Variants in PDE1A observed in about 807,000 individuals in gnomAD.
PDE1A encodes dual specificity calcium/calmodulin-dependent 3',5'-cyclic nucleotide phosphodiesterase 1A.
In PDE1A, 35 loss-of-function variants were observed where a neutral mutation model predicts 61.7. The ratio of observed to expected loss-of-function variants is 0.57; its 90% CI spans 0.43 to 0.75. PDE1A has a LOEUF of 0.75. Among genes scored for constraint, PDE1A ranks in the 30% least tolerant of loss-of-function variants. PDE1A has a pLI of 0.00. For missense variants in PDE1A, 597 were observed against 630.6 expected (o/e 0.95, Z 0.57); for synonymous variants, 232 against 213.2 (o/e 1.09, Z -0.77).
intron 1 of PDE1A, among the ~76,000 whole-genome samples, chr2:182,298,198 C>A (rs185001576): frequency 6.6e-6 from 1 of 152,136 alleles, no homozygotes; most frequent in Non-Finnish European, 1.5e-5. Context: ...CACATAGCAT[C>A]TGAGAGCTGT....
intron 1 of PDE1A, among the ~76,000 whole-genome samples, chr2:182,367,055 T>C (rs899035273): frequency 6.6e-6 from 1 of 152,082 alleles, no homozygotes; most frequent in Non-Finnish European, 1.5e-5. Flanking sequence ...ACTAATGTAG[T>C]GATCACCTAA....
intron 1 of PDE1A, among the ~76,000 whole-genome samples, chr2:182,419,009 T>G (rs1703098589): frequency 6.6e-6 from 1 of 152,002 alleles, no homozygotes; most frequent in Non-Finnish European, 1.5e-5. Context: ...CTTCAATGTT[T>G]AAAGAGCTAA....
chr2:182,572,785 T>G, the PDE1A span, among the ~76,000 whole-genome samples: 1 of 146,940 alleles, frequency 6.8e-6, no homozygotes, highest in Non-Finnish European at 1.5e-5. Flanking sequence ...AGGAGAATGG[T>G]GTGAACCCGG....
At chr2:182,529,055 C>T in the PDE1A span, among the ~76,000 whole-genome samples, 1 of 152,148 alleles carries the variant, frequency 6.6e-6, no homozygotes, top group Non-Finnish European at 1.5e-5. Flanking sequence ...TTGGATACTA[C>T]CTAGTGGAGC....
At chr2:182,482,038 T>C (rs1687733302) in intron 2 of PDE1A, among the ~76,000 whole-genome samples, 1 of 151,956 alleles carries the variant, frequency 6.6e-6, no homozygotes, top group Non-Finnish European at 1.5e-5. Flanking sequence ...GTCTTTTCCT[T>C]CCCTTCACTA....
chr2:182,178,332 C>T (rs1684454023), intron 13 of PDE1A, among the ~76,000 whole-genome samples: 2 of 151,814 alleles, frequency 1.3e-5, no homozygotes, highest in Non-Finnish European at 2.9e-5. Context: ...CTAAGAGAAG[C>T]AAAAAGGGGT....
chr2:182,365,851 T>C (rs990245184), intron 1 of PDE1A, among the ~76,000 whole-genome samples: 5 of 152,118 alleles, frequency 3.3e-5, no homozygotes, highest in Non-Finnish European at 5.9e-5. Flanking sequence ...CTACAGATGA[T>C]AAAAGTGACT....
At chr2:182,274,815 G>T (rs989753189) in intron 1 of PDE1A, among the ~76,000 whole-genome samples, 3 of 151,928 alleles carry the variant, frequency 2.0e-5, no homozygotes, top group African/African-American at 7.3e-5. Flanking sequence ...TAGAAATGTA[G>T]CTTTTGTAGC....
intron 1 of PDE1A, among the ~76,000 whole-genome samples, chr2:182,295,868 A>G (rs1694851107): frequency 1.3e-5 from 2 of 152,166 alleles, no homozygotes; most frequent in Admixed American, 1.3e-4. Context: ...AAAAGAAATT[A>G]GAATTTATTG....
intron 1 of PDE1A, among the ~76,000 whole-genome samples, chr2:182,364,490 A>AC (rs979072117): frequency 9.0e-5 from 13 of 144,000 alleles, no homozygotes; most frequent in African/African-American, 2.5e-4. Context: ...AAAAAAAAAA[A>AC]AAAAAAAAAC....
downstream of PDE1A, among the ~76,000 whole-genome samples, chr2:182,143,980 A>G (rs981513854): frequency 1.3e-5 from 2 of 152,180 alleles, no homozygotes; most frequent in East Asian, 3.8e-4. Flanking sequence ...CCTGTCAGGT[A>G]GTGTAAATGA....
intron 4 of PDE1A, among the ~76,000 whole-genome samples, chr2:182,232,035 A>G (rs2125648393): frequency 6.6e-6 from 1 of 152,322 alleles, no homozygotes; most frequent in Non-Finnish European, 1.5e-5. Context: ...TATTTGCTCT[A>G]TCTTTGGCTG....
At chr2:182,584,477 T>C in the PDE1A span, among the ~76,000 whole-genome samples, 1 of 152,320 alleles carries the variant, frequency 6.6e-6, no homozygotes, top group African/African-American at 2.4e-5. Flanking sequence ...AAGATTCAGA[T>C]TCCCTGTCTT....
the PDE1A span, among the ~76,000 whole-genome samples, chr2:182,703,528 T>C: frequency 3.3e-5 from 5 of 152,132 alleles, no homozygotes; most frequent in African/African-American, 4.8e-5. Context: ...AAATGGAGAA[T>C]GTTAAACATG....
the PDE1A span, among the ~76,000 whole-genome samples, chr2:182,644,639 G>A: frequency 6.6e-6 from 1 of 152,088 alleles, no homozygotes; most frequent in African/African-American, 2.4e-5. Flanking sequence ...CCTTTGGCAA[G>A]GACGTCATCT....
intron 1 of PDE1A, among the ~76,000 whole-genome samples, chr2:182,406,510 T>A (rs1702306080): frequency 6.6e-6 from 1 of 152,178 alleles, no homozygotes; most frequent in Non-Finnish European, 1.5e-5. Context: ...CTCAGAACTC[T>A]GGTGGACACA....
At chr2:182,618,692 T>G in the PDE1A span, among the ~76,000 whole-genome samples, 1 of 152,214 alleles carries the variant, frequency 6.6e-6, no homozygotes, top group African/African-American at 2.4e-5. Flanking sequence ...CTCTCTTTTG[T>G]GTCTTTGATA....
At chr2:182,160,013 C>T (rs572892848) in intron 13 of PDE1A, among the ~76,000 whole-genome samples, 2 of 152,166 alleles carry the variant, frequency 1.3e-5, no homozygotes, top group African/African-American at 4.8e-5. Flanking sequence ...TATACATTGA[C>T]TCATTTAATC....
At chr2:182,317,427 T>C (rs1006377798) in intron 1 of PDE1A, among the ~76,000 whole-genome samples, 2 of 152,144 alleles carry the variant, frequency 1.3e-5, no homozygotes, top group Non-Finnish European at 2.9e-5. Flanking sequence ...CCAAGTATTA[T>C]GCATGCCATG....
Sources: allele counts gnomAD v4.1 joint callset (sites outside exome capture counted in the v4.1 genomes callset), GRCh38; gene constraint gnomAD v4.1.1; transcripts MANE v1.5; gene names NCBI Gene and HGNC (gene_info 2026-07-23, HGNC 2026-07-21).